Variants in ARHGEF28 observed in about 807,000 individuals in gnomAD.
ARHGEF28 encodes Rho guanine nucleotide exchange factor 28, also known as 190 kDa guanine nucleotide exchange factor.
ARHGEF28 carries 152 observed loss-of-function variants against 206.6 expected under a neutral mutation model. That is an observed-to-expected ratio of 0.74 (90% CI 0.64 to 0.84). The LOEUF (loss-of-function observed/expected upper bound fraction) is 0.84. Among genes scored for constraint, ARHGEF28 ranks in the 40% least tolerant of loss-of-function variants. The probability of loss-of-function intolerance (pLI) is 0.00; values close to 1 mark genes in which losing one functional copy is unlikely to be tolerated. For synonymous variants in ARHGEF28, 763 were observed against 776.4 expected, an observed-to-expected ratio of 0.98 and a Z score of 0.29; for missense variants, 2,028 against 2,073.2, an observed-to-expected ratio of 0.98 and a Z score of 0.42.
At chr5:73,930,132 A>G (rs1337379950) in intron 35 of ARHGEF28, among the ~76,000 whole-genome samples, 1 of 152,182 alleles carries the variant, frequency 6.6e-6, no homozygotes, top group Non-Finnish European at 1.5e-5. Context: ...TTCAAGTATA[A>G]CACCTAGAAG....
chr5:73,701,782 G>T (rs192174286), intron 2 of ARHGEF28, among the ~76,000 whole-genome samples: 1 of 152,138 alleles, frequency 6.6e-6, no homozygotes, highest in Non-Finnish European at 1.5e-5. Context: ...GTTGTTGTGC[G>T]TATCGAGGGC....
At chr5:73,857,421 T>A (rs1261546131) in intron 14 of ARHGEF28, among the ~76,000 whole-genome samples, 1 of 152,156 alleles carries the variant, frequency 6.6e-6, no homozygotes, top group African/African-American at 2.4e-5. Context: ...ACCACCTATG[T>A]TCTATAATTG....
intron 9 of ARHGEF28, among the ~76,000 whole-genome samples, chr5:73,824,898 A>C (rs1756814250): frequency 6.6e-6 from 1 of 152,198 alleles, no homozygotes; most frequent in South Asian, 2.1e-4. Context: ...ATGGGTGAAT[A>C]AGTGAATGAA....
At chr5:73,721,153 G>A (rs1270399829) in intron 2 of ARHGEF28, among the ~76,000 whole-genome samples, 1 of 152,152 alleles carries the variant, frequency 6.6e-6, no homozygotes, top group African/African-American at 2.4e-5. Context: ...TGGCCTGGAA[G>A]AGCAGGGGAA....
chr5:73,835,481 A>AAAAC (rs1274846312), intron 10 of ARHGEF28, among the ~76,000 whole-genome samples: 4 of 151,726 alleles, frequency 2.6e-5, no homozygotes, highest in African/African-American at 9.7e-5. Flanking sequence ...AAAAAAAAAA[A>AAAAC]AAACCCAAAA....
chr5:73,864,697 C>A, intron 16 of ARHGEF28, 120 bp from the exon 17 acceptor site: 1 of 805,500 alleles, frequency 1.2e-6, no homozygotes, highest in Non-Finnish European at 1.9e-6. Context: ...TTTAGTTTTC[C>A]AGATATTTGT....
At chr5:73,823,946 G>A (rs1340192949) in intron 9 of ARHGEF28, among the ~76,000 whole-genome samples, 2 of 152,154 alleles carry the variant, frequency 1.3e-5, no homozygotes, top group Non-Finnish European at 2.9e-5. Flanking sequence ...ATCATACAGT[G>A]CCTGGTTCAG....
intron 9 of ARHGEF28, among the ~76,000 whole-genome samples, chr5:73,817,047 A>G (rs6873586): frequency 0.33 from 49,688 of 152,072 alleles, 9,388 homozygotes; most frequent in East Asian, 0.52. Context: ...TACAGGAATT[A>G]GGCTTTACCC....
chr5:73,885,913 C>A lies in ARHGEF28; in HGVS notation c.3119C>A (p.Thr1040Lys), dbSNP rs759388205. Residue 1040 changes from threonine (T) to lysine (K), a missense_variant, in exon 25 of 36, where the codon ACA becomes AAA. Around this residue, in one of 3 missense-constraint regions of ARHGEF28, gnomAD observed 223 missense variants for 289.9 expected, o/e 0.77. Transcript: ENST00000513042. ...ALCLIKDMIA[T>K]VDLKVNEYEK... Reference sequence around the variant, plus strand: ...TGCTTAATTAAAGACATGATTGCAACAGTGGATTTAAAAGTCAATGAATAT... The same window carrying A: ...TGCTTAATTAAAGACATGATTGCAAAAGTGGATTTAAAAGTCAATGAATAT... The A allele has an allele frequency of 3.1e-6, 5 of 1,613,448 alleles. No homozygotes were observed. Among genetic ancestry groups the A allele is most frequent in the Non-Finnish European group, 4.2e-6 (5 of 1,179,756 alleles).
At chr5:73,723,808 G>A (rs1396765423) in intron 2 of ARHGEF28, among the ~76,000 whole-genome samples, 2 of 152,332 alleles carry the variant, frequency 1.3e-5, no homozygotes, top group East Asian at 3.9e-4. Flanking sequence ...AATTGGCCTT[G>A]TGACTATTTA....
chr5:73,821,550 A>G (rs1756587779), intron 9 of ARHGEF28, among the ~76,000 whole-genome samples: 1 of 152,148 alleles, frequency 6.6e-6, no homozygotes, highest in Non-Finnish European at 1.5e-5. Flanking sequence ...GTTCTTTGTG[A>G]TGATGACATA....
intron 2 of ARHGEF28, among the ~76,000 whole-genome samples, chr5:73,729,997 G>A (rs974934474): frequency 6.6e-6 from 1 of 152,174 alleles, no homozygotes; most frequent in African/African-American, 2.4e-5. Context: ...GCAGTGTTGT[G>A]AGATTTAAAC....
chr5:73,682,418 C>CTTT (rs113519554), intron 1 of ARHGEF28, among the ~76,000 whole-genome samples: 3 of 140,716 alleles, frequency 2.1e-5, no homozygotes, highest in South Asian at 2.3e-4. Context: ...ACAATTCATT[C>CTTT]TTTTTTTTTT....
At chr5:73,928,034 A>G (rs1763913762) in intron 35 of ARHGEF28, among the ~76,000 whole-genome samples, 1 of 152,250 alleles carries the variant, frequency 6.6e-6, no homozygotes, top group African/African-American at 2.4e-5. Flanking sequence ...AAAGGAAAAA[A>G]GTTTTATGTT....
At chr5:73,649,796 T>A (rs1001763967) in intron 1 of ARHGEF28, among the ~76,000 whole-genome samples, 2 of 152,162 alleles carry the variant, frequency 1.3e-5, no homozygotes, top group Non-Finnish European at 2.9e-5. Context: ...TGTTCCTCCA[T>A]TGCCCAAGTA....
chr5:73,890,184 T>A (rs1761541995), intron 26 of ARHGEF28, among the ~76,000 whole-genome samples: 1 of 152,220 alleles, frequency 6.6e-6, no homozygotes, highest in African/African-American at 2.4e-5. Flanking sequence ...CCCCCTGGTC[T>A]GATGGTGATC....
chr5:73,672,852 G>T (rs921534135), intron 1 of ARHGEF28, among the ~76,000 whole-genome samples: 3 of 152,222 alleles, frequency 2.0e-5, no homozygotes, highest in Non-Finnish European at 4.4e-5. Flanking sequence ...GGAACATTTT[G>T]TTAGCAGCTA....
intron 2 of ARHGEF28, among the ~76,000 whole-genome samples, chr5:73,722,505 C>T (rs1056092499): frequency 2.0e-5 from 3 of 152,254 alleles, no homozygotes; most frequent in African/African-American, 7.2e-5. Flanking sequence ...ATTTGTCTCT[C>T]ATCTCACCAT....
chr5:73,854,042 G>A (rs2931438), intron 14 of ARHGEF28, among the ~76,000 whole-genome samples: 102,344 of 151,714 alleles, frequency 0.67, 36,205 homozygotes, highest in African/African-American at 0.9. Context: ...TTTGTTTTCT[G>A]TTCCTTTCTA....
Sources: gnomAD v4.1 joint callset for allele counts (sites outside exome capture counted in the v4.1 genomes callset) on GRCh38, gnomAD v4.1.1 for gene constraint, gnomAD v4.1.1 regional missense constraint, MANE v1.5 for transcripts, NCBI Gene and HGNC (gene_info 2026-07-23, HGNC 2026-07-21) for gene names.